Variants in TANC2 observed in about 807,000 individuals in gnomAD.
TANC2 encodes protein TANC2.
TANC2 carries 26 observed loss-of-function variants against 210.5 expected under a neutral mutation model. The observed-to-expected ratio is 0.12, with a 90% CI of 0.09 to 0.17. The LOEUF (loss-of-function observed/expected upper bound fraction) is 0.17, where lower values mean the gene tolerates loss of function less well. Among genes scored for constraint, TANC2 ranks in the 10% least tolerant of loss-of-function variants. TANC2 has a pLI of 1.00. For synonymous variants in TANC2, 931 were observed against 967.1 expected (o/e 0.96, Z 0.69); for missense variants, 2,129 against 2,608.9 (o/e 0.82, Z 4.01).
At chr17:63,312,722 T>G (rs1035579693) in intron 9 of TANC2, among the ~76,000 whole-genome samples, 3 of 152,070 alleles carry the variant, frequency 2.0e-5, no homozygotes, top group African/African-American at 7.2e-5. Context: ...GAATCTAAAA[T>G]AAAAGTTGAA....
At chr17:63,111,743 T>G (rs1482954536) in intron 4 of TANC2, among the ~76,000 whole-genome samples, 2 of 152,204 alleles carry the variant, frequency 1.3e-5, no homozygotes, top group Non-Finnish European at 2.9e-5. Context: ...ATTTATTTTT[T>G]TGAGACTGTA....
At chr17:63,397,189 C>T (rs1027833305) in intron 18 of TANC2, among the ~76,000 whole-genome samples, 3 of 152,026 alleles carry the variant, frequency 2.0e-5, no homozygotes, top group Admixed American at 6.6e-5. Context: ...ACAGGAGAAT[C>T]GCCTGAACCC....
At chr17:63,024,829 G>C (rs545181675) in intron 2 of TANC2, among the ~76,000 whole-genome samples, 2 of 152,262 alleles carry the variant, frequency 1.3e-5, no homozygotes, top group South Asian at 4.1e-4. Context: ...TGCTGTCCCT[G>C]AATAAATGAG....
At chr17:63,325,250 C>T (rs532183253) in intron 11 of TANC2, among the ~76,000 whole-genome samples, 1 of 152,284 alleles carries the variant, frequency 6.6e-6, no homozygotes, top group Admixed American at 6.5e-5. Flanking sequence ...CAGTGGAAAA[C>T]CTCGCCATGC....
intron 7 of TANC2, among the ~76,000 whole-genome samples, chr17:63,231,051 G>T (rs563839428): frequency 6.6e-6 from 1 of 152,056 alleles, no homozygotes; most frequent in Non-Finnish European, 1.5e-5. Flanking sequence ...AATCTTTGTT[G>T]GTTTAAAGTC....
At chr17:62,975,126 A>G (rs547055484) in intron 1 of TANC2, among the ~76,000 whole-genome samples, 3 of 152,282 alleles carry the variant, frequency 2.0e-5, no homozygotes, top group African/African-American at 7.2e-5. Flanking sequence ...GTGGGTATAT[A>G]GAGATTGTGA....
intron 7 of TANC2, among the ~76,000 whole-genome samples, chr17:63,208,054 T>C (rs531449150): frequency 1.3e-5 from 2 of 152,324 alleles, no homozygotes; most frequent in South Asian, 2.1e-4. Flanking sequence ...AAGTTTTTGC[T>C]CATTTCCTAA....
In TANC2 at chr17:63,412,247, A is replaced by G. The variant is rs528659915; in HGVS notation, c.3898+117A>G. 5.0e-6 allele frequency: 7 copies of G among 1,411,524 alleles called. No individual in the cohort carries two copies. The Admixed American group carries it at 1.3e-4, about 26-fold the overall frequency. The allele number at this position is 1,411,524 out of a possible 1,614,324, so 87.4% of individuals were successfully genotyped here. A position where few individuals can be genotyped will look rare whatever the true frequency, so the allele number is the denominator to read the frequency against. Reference sequence around the variant, plus strand: ...TATAGTTCCCCCTCCTCCCTGGCCCAATTATTGTCCAAGTGAACAGAGAGG... The same window carrying G: ...TATAGTTCCCCCTCCTCCCTGGCCCGATTATTGTCCAAGTGAACAGAGAGG... On this transcript the variant is annotated intron_variant, in intron 23 of 27. Transcript: ENST00000689528. This position sits in a 1 kb window ranked among gnomAD's most constrained non-coding sequence, Gnocchi z 4.2.
In TANC2 at chr17:63,079,817, T is replaced by C. The variant is rs80319947; in HGVS notation, c.139+5803T>C. 8.0e-4 allele frequency among the ~76,000 whole-genome samples: 122 copies of C among 152,352 alleles called. 1 individual carries two copies. In the East Asian group the frequency reaches 0.021, roughly 27 times the overall value. On this transcript the variant is annotated intron_variant, in intron 3 of 27. Transcript: ENST00000689528. Reference sequence around the variant, plus strand: ...CTTTGTGTTAACAAGTTCCTTGGTCTCTGATCTGTCTCTCTGGTACAGTGG... The same window carrying C: ...CTTTGTGTTAACAAGTTCCTTGGTCCCTGATCTGTCTCTCTGGTACAGTGG...
intron 1 of TANC2, among the ~76,000 whole-genome samples, chr17:62,969,147 CTAG>C (rs1568283410): frequency 6.6e-6 from 1 of 152,060 alleles, no homozygotes; most frequent in East Asian, 1.9e-4. Context: ...GCCAGCTGTA[CTAG>C]TAGTAACAGC....
rs954871987 is a variant in TANC2, at chr17:63,418,660, C to G, written c.4268+253C>G. On this transcript the variant is annotated intron_variant, in intron 27 of 27. Coordinates refer to ENST00000689528, the Ensembl canonical transcript of TANC2. The surrounding 1 kb of genome is among the most constrained non-coding windows in gnomAD (Gnocchi z 4.6). ...TTCACTGGAGAATGGCAGCTTCTTCCAAGAAGCCTCTGCCGTATCTCAGGC... is the reference window on the plus strand; with the variant it reads ...TTCACTGGAGAATGGCAGCTTCTTCGAAGAAGCCTCTGCCGTATCTCAGGC... Among the ~76,000 whole-genome samples, 2 of 152,288 alleles carry G rather than the reference C, an allele frequency of 1.3e-5. No individual in the cohort carries two copies. The highest frequency in any genetic ancestry group is 3.9e-4 in the East Asian group (2 of 5,176).
chr17:63,410,653 G>A (rs1464007494), intron 21 of TANC2, among the ~76,000 whole-genome samples: 1 of 151,950 alleles, frequency 6.6e-6, no homozygotes, highest in African/African-American at 2.4e-5. Flanking sequence ...CTTGAGGTCA[G>A]GAGTTCAAGA....
At chr17:63,381,377 A>T (rs1051040509) in intron 15 of TANC2, 1 of 152,220 alleles carries the variant, frequency 6.6e-6, no homozygotes, top group Non-Finnish European at 1.5e-5. Flanking sequence ...AAGCTGAAGA[A>T]TGAAGACTTG....
At chr17:63,095,822 C>T (rs2037366705) in intron 3 of TANC2, among the ~76,000 whole-genome samples, 1 of 152,106 alleles carries the variant, frequency 6.6e-6, no homozygotes, top group Non-Finnish European at 1.5e-5. Flanking sequence ...TCTGTAGCTA[C>T]AATAAGTTCA....
intron 2 of TANC2, among the ~76,000 whole-genome samples, chr17:63,068,320 A>C (rs2036275872): frequency 6.6e-6 from 1 of 152,148 alleles, no homozygotes; most frequent in Non-Finnish European, 1.5e-5. Flanking sequence ...TATTCGTGAG[A>C]TTGTGAGGAA....
At position 63,378,157 on chromosome 17, in the gene TANC2, A is replaced by G. The variant is rs568465788; in HGVS notation, c.2583-1561A>G. ...CTTAGAGGCCATAACAAATGGGGTAAGAAAACACATCTCAAAGGTGATCTA... is the reference window on the plus strand; with the variant it reads ...CTTAGAGGCCATAACAAATGGGGTAGGAAAACACATCTCAAAGGTGATCTA... On this transcript the variant is annotated intron_variant, in intron 14 of 27. Coordinates refer to ENST00000689528, the Ensembl canonical transcript of TANC2. 9.7e-4 allele frequency among the ~76,000 whole-genome samples: 148 copies of G among 152,350 alleles called. 1 individual carries two copies. Among genetic ancestry groups the G allele is most frequent in the Non-Finnish European group, 1.7e-3 (115 of 68,044 alleles).
rs746647978 is a variant in TANC2, at chr17:63,412,139, AG to A, written c.3898+12del. On this transcript the variant is annotated intron_variant, in intron 23 of 27. Transcript: ENST00000689528. This position sits in a 1 kb window ranked among gnomAD's most constrained non-coding sequence, Gnocchi z 4.2. ...GAAAGGAGCCAAGATAGGTAGGAGA[AG>A]GGAAGAGGATGTTGGCCATCTGTGC... The A allele has an allele frequency of 6.2e-6, 10 of 1,613,950 alleles. No individual in the cohort carries two copies. The highest frequency in any genetic ancestry group is 3.3e-5 in the South Asian group (3 of 91,080).
At chr17:63,312,465 GA>G (rs1469558186) in intron 9 of TANC2, among the ~76,000 whole-genome samples, 3 of 152,130 alleles carry the variant, frequency 2.0e-5, no homozygotes, top group Non-Finnish European at 2.9e-5. Context: ...ACACAGGAAG[GA>G]ACAAAAAACC....
intron 2 of TANC2, among the ~76,000 whole-genome samples, chr17:63,044,394 T>C (rs1362933194): frequency 6.6e-6 from 1 of 152,188 alleles, no homozygotes; most frequent in Non-Finnish European, 1.5e-5. Flanking sequence ...CTTGCTTTTT[T>C]GCTCTTGTTA....
Sources: allele counts gnomAD v4.1 joint callset (sites outside exome capture counted in the v4.1 genomes callset), GRCh38; gene constraint gnomAD v4.1.1; non-coding constraint Gnocchi (gnomAD v3.1); transcripts MANE v1.5; gene names NCBI Gene and HGNC (gene_info 2026-07-23, HGNC 2026-07-21).